Variants in COL5A3 observed in about 807,000 individuals in gnomAD.
COL5A3 encodes collagen alpha-3(V) chain.
Under a neutral mutation model 250.0 loss-of-function variants are expected in COL5A3, and 172 were observed. The ratio of observed to expected loss-of-function variants is 0.69; its 90% confidence interval spans 0.61 to 0.78. COL5A3 has a LOEUF of 0.78. COL5A3 is among the 30% of genes least tolerant of loss of function. COL5A3 has a pLI of 0.00. For missense variants in COL5A3, 2,340 were observed against 2,334.4 expected (o/e 1.00, Z -0.05); for synonymous variants, 937 against 900.4 (o/e 1.04, Z -0.73).
intron 31 of COL5A3, among the ~76,000 whole-genome samples, chr19:9,982,842 C>T (rs988820039): frequency 1.3e-5 from 2 of 152,074 alleles, no homozygotes; most frequent in African/African-American, 4.8e-5. Context: ...TCCATGGTCT[C>T]TATACTCTTT....
In COL5A3 at chr19:9,969,679, C is replaced by T. The variant is rs973118490; in HGVS notation, c.3994G>A (p.Glu1332Lys). 1 of 1,587,248 alleles carries T rather than the reference C, an allele frequency of 6.3e-7. No homozygotes were observed. The highest frequency in any genetic ancestry group is 8.5e-7 in the Non-Finnish European group (1 of 1,172,550). Reference protein sequence around the residue: ...GREGEKGAKGEPGPDGPPGRT... With the variant: ...GREGEKGAKGKPGPDGPPGRT... The stretch of plus-strand genomic sequence containing the variant: ...CCTGGGGGCCCATCAGGACCTGGCT[C>T]CCCCTGAAATGGACACAGGCAAGGG... The change falls in exon 56 of 67, where the codon GAG becomes AAG. Residue 1332 changes from glutamate (E) to lysine (K), a missense_variant. Physicochemically the swap from Glu to Lys is moderately conservative, Grantham distance 56. Coordinates refer to ENST00000264828, the MANE Select transcript of COL5A3 (RefSeq NM_015719.4).
chr19:10,002,484 C>T (rs925111530), intron 6 of COL5A3, among the ~76,000 whole-genome samples: 6 of 149,082 alleles, frequency 4.0e-5, no homozygotes, highest in Admixed American at 2.0e-4. Flanking sequence ...CAGTGACCCA[C>T]CAAGAATGAC....
chr19:9,991,152 GAA>G (rs2087183143), intron 24 of COL5A3, among the ~76,000 whole-genome samples: 1 of 152,190 alleles, frequency 6.6e-6, no homozygotes, highest in Admixed American at 6.5e-5. Context: ...TGAGGTGGGA[GAA>G]CCACCTCGCC....
At chr19:9,998,858 T>A (rs571228891) in intron 8 of COL5A3, among the ~76,000 whole-genome samples, 14 of 152,064 alleles carry the variant, frequency 9.2e-5, no homozygotes, top group Admixed American at 9.2e-4. Context: ...CTAATTTTTG[T>A]ATTTTTAGTA....
Position 9,962,819 on chromosome 19 carries a change from C to T in COL5A3, c.4851G>A (p.Lys1617=). The change falls in exon 65 of 67, where the codon AAG becomes AAA. Residue 1617 remains lysine (K), a splice_region_variant and synonymous_variant. Transcript: ENST00000264828. ...GWYSTFRRGK[K]FSYVDADGSP... is the part of the protein sequence containing the mutation. ...CCCCATCTCGGCCTCGGTGACTCAC[C>T]TTCTTCCCTCGACGGAATGTGCTAT... The T allele has an allele frequency of 6.2e-7, 1 of 1,609,492 alleles. No individual in the cohort carries two copies. The highest frequency in any genetic ancestry group is 8.5e-7 in the Non-Finnish European group (1 of 1,177,714).
intron 6 of COL5A3, among the ~76,000 whole-genome samples, chr19:10,002,520 T>C (rs1028852315): frequency 5.6e-5 from 8 of 141,900 alleles, no homozygotes; most frequent in Admixed American, 2.2e-4. Context: ...CCAGTGATTC[T>C]AGAACCAGAG....
At position 9,968,611 on chromosome 19, in the gene COL5A3, C is replaced by G. The variant is rs1408158945; in HGVS notation, c.4206+64G>C. The G allele has an allele frequency of 1.4e-5, 22 of 1,592,908 alleles. No homozygotes were observed. The highest frequency in any genetic ancestry group is 4.4e-5 in the South Asian group (4 of 90,362). ...AGGATGCACCAATCTCCCAGCCCCC[C>G]AGCCAGGGAGGGAGGGAAAGAGGGG... is the stretch of plus-strand genomic sequence containing the variant. On this transcript the variant is annotated intron_variant, in intron 58 of 66. Transcript: ENST00000264828. This position sits in a 1 kb window ranked among gnomAD's most constrained non-coding sequence, Gnocchi z 4.1.
chr19:9,970,330 GTCTGTGGGTGAGTGTGT>G (rs2086819811), intron 54 of COL5A3, among the ~76,000 whole-genome samples: 2 of 120,696 alleles, frequency 1.7e-5, no homozygotes, highest in African/African-American at 3.2e-5. Flanking sequence ...GGTGAGTGGG[GTCTGTGGGTGAGTGTGT>G]TCTGTGGCTG....
rs2086966271 is a variant in COL5A3, at chr19:9,979,033, C to A, written c.2875-53G>T. 12 of 1,485,598 alleles carry A rather than the reference C, an allele frequency of 8.1e-6. No homozygotes were observed. In the Admixed American group the frequency reaches 2.6e-4, roughly 32 times the overall value. The allele number at this position is 1,485,598 out of a possible 1,614,324, so 92.0% of individuals were successfully genotyped here. A position where few individuals can be genotyped will look rare whatever the true frequency, so the allele number is the denominator to read the frequency against. On this transcript the variant is annotated intron_variant, in intron 39 of 66. Coordinates refer to ENST00000264828, the MANE Select transcript of COL5A3 (RefSeq NM_015719.4). ...AGCTCCAGGGAGGGGATGTCTCCCTCCAATCTGTGACTCAGGGCCCCCTCC... is the reference window on the plus strand; with the variant it reads ...AGCTCCAGGGAGGGGATGTCTCCCTACAATCTGTGACTCAGGGCCCCCTCC...
At chr19:9,969,779 A>G in intron 55 of COL5A3, 90 bp downstream of exon 55, 9 of 1,578,080 alleles carry the variant, frequency 5.7e-6, no homozygotes, top group South Asian at 1.1e-5. Context: ...GAGTAGGTGC[A>G]CAGAGTGGTC....
chr19:9,975,973 T>A (rs2086914717), intron 45 of COL5A3, among the ~76,000 whole-genome samples: 1 of 151,604 alleles, frequency 6.6e-6, no homozygotes. Flanking sequence ...TGGGTCGGGA[T>A]TGAATCAGAT....
Position 9,991,667 on chromosome 19 carries a change from A to G in COL5A3, c.1948-13T>C, listed in dbSNP as rs1403484789. 1 of 1,613,092 alleles carries G rather than the reference A, an allele frequency of 6.2e-7. No individual in the cohort carries two copies. The highest frequency in any genetic ancestry group is 8.5e-7 in the Non-Finnish European group (1 of 1,179,534). ...GACCGGGGAGTCCCTGGAGACAGAA[A>G]AAGAAGATGAGAGAAGGCATAAGAA... On this transcript the variant is annotated splice_polypyrimidine_tract_variant and intron_variant, in intron 23 of 66. Coordinates refer to ENST00000264828, the MANE Select transcript of COL5A3 (RefSeq NM_015719.4).
rs1555734532 is a variant in COL5A3 at position 9,969,943 on chromosome 19, A to AT, written c.3937-22_3937-21insA. 1.9e-5 allele frequency: 31 copies of AT among 1,595,602 alleles called. 1 individual carries two copies. The South Asian group carries it at 3.4e-4, about 18-fold the overall frequency. On this transcript the variant is annotated intron_variant, in intron 54 of 66. Coordinates refer to ENST00000264828, the MANE Select transcript of COL5A3 (RefSeq NM_015719.4). ...GGACCCTTGGAAGGGAAAGACAGTG[A>AT]GGGGGGTCTAGGGGCTGACTGAGGG... is the stretch of plus-strand genomic sequence containing the variant.
At chr19:10,007,625 C>G (rs991969784) in intron 1 of COL5A3, among the ~76,000 whole-genome samples, 2 of 152,188 alleles carry the variant, frequency 1.3e-5, no homozygotes, top group South Asian at 2.1e-4. Context: ...TTGGCGGGAG[C>G]TGGATTCTCC....
In COL5A3 at chr19:9,968,348, TC is replaced by T. The variant is rs780688608; in HGVS notation, c.4314+36del. On this transcript the variant is annotated intron_variant, in intron 59 of 66. Coordinates refer to ENST00000264828, the MANE Select transcript of COL5A3 (RefSeq NM_015719.4). The surrounding 1 kb of genome is among the most constrained non-coding windows in gnomAD (Gnocchi z 4.1). ...ACAGTCTCTCAACCGACCCCCTCCT[TC>T]AAATGCATTCTTCCCGCTCAGGTCA... 5 of 1,466,082 alleles carry T rather than the reference TC, an allele frequency of 3.4e-6. No individual in the cohort carries two copies. Among genetic ancestry groups the T allele is most frequent in the African/African-American group, 2.8e-5 (2 of 71,332 alleles). 90.8% of individuals were successfully genotyped at this position (1,466,082 alleles called of 1,614,324 possible).
Position 9,960,402 on chromosome 19 carries a change from C to A in COL5A3, c.*9G>T. ...GGCTCCCTCATGGTCCCTCCCACCC[C>A]GGACACTCTCAGCTGCTGAAGCAGA... is the stretch of plus-strand genomic sequence containing the variant. On this transcript the variant is annotated 3_prime_UTR_variant, in exon 67 of 67. Transcript: ENST00000264828. 1 of 1,614,114 alleles carries A rather than the reference C, an allele frequency of 6.2e-7. No individual in the cohort carries two copies.
intron 54 of COL5A3, among the ~76,000 whole-genome samples, chr19:9,970,294 G>A (rs535816808): frequency 4.6e-5 from 6 of 130,938 alleles, no homozygotes; most frequent in African/African-American, 1.8e-4. Context: ...GGTTGACTGA[G>A]GTCTGTGGGG....
In COL5A3 at chr19:9,968,766, T is replaced by C; in HGVS notation, c.4153-38A>G. Reference sequence around the variant, plus strand: ...CAAGGGTCAGTTAGGGATTCTCAAATGTGAACTCGAGGTCTGTGTGGGTGG... The same window carrying C: ...CAAGGGTCAGTTAGGGATTCTCAAACGTGAACTCGAGGTCTGTGTGGGTGG... On this transcript the variant is annotated intron_variant, in intron 57 of 66. Coordinates refer to ENST00000264828, the MANE Select transcript of COL5A3 (RefSeq NM_015719.4). This position sits in a 1 kb window ranked among gnomAD's most constrained non-coding sequence, Gnocchi z 4.1. 3 of 1,580,638 alleles carry C rather than the reference T, an allele frequency of 1.9e-6. No homozygotes were observed. Among genetic ancestry groups the C allele is most frequent in the South Asian group, 1.1e-5 (1 of 87,862 alleles).
At position 9,960,728 on chromosome 19, in the gene COL5A3, G is replaced by C; in HGVS notation, c.5014C>G (p.Leu1672Val). 6.2e-7 allele frequency: 1 copy of C among 1,614,064 alleles called. No homozygotes were observed. The highest frequency in any genetic ancestry group is 8.5e-7 in the Non-Finnish European group (1 of 1,180,028). The part of the protein sequence containing the change: ...TGDYSHSARF[L>V]GTNGEELSFN... ...GACAGCTCCTCTCCATTGGTGCCAA[G>C]GAAGCGGGCGGAGTGGCTGTAGTCA... Residue 1672 changes from leucine (L) to valine (V), a missense_variant, in exon 66 of 67, where the codon CTT becomes GTT. By Grantham distance (32) the Leu-to-Val change is conservative. This residue lies in a region of COL5A3 where 1,179 missense variants were observed against 1,162.6 expected (regional missense o/e 1.01). Transcript: ENST00000264828.
Sources: allele counts gnomAD v4.1 joint callset (sites outside exome capture counted in the v4.1 genomes callset), GRCh38; gene constraint gnomAD v4.1.1; regional missense constraint gnomAD v4.1.1; non-coding constraint Gnocchi (gnomAD v3.1); transcripts MANE v1.5; gene names NCBI Gene and HGNC (gene_info 2026-07-23, HGNC 2026-07-21).